Variants in CDKAL1 observed in about 807,000 individuals in gnomAD.
CDKAL1 encodes the protein threonylcarbamoyladenosine tRNA methylthiotransferase.
In CDKAL1, 32 loss-of-function variants were observed where a neutral mutation model predicts 68.2. The observed-to-expected ratio is 0.47, with a 90% CI of 0.35 to 0.63. The LOEUF is 0.63. Among genes scored for constraint, CDKAL1 ranks in the 30% least tolerant of loss-of-function variants. CDKAL1 has a pLI of 0.00. For missense variants in CDKAL1, 606 were observed against 696.7 expected, an observed-to-expected ratio of 0.87 and a Z score of 1.47; for synonymous variants, 234 against 244.3, an observed-to-expected ratio of 0.96 and a Z score of 0.39.
chr6:20,782,686 T>A (rs928612117), intron 8 of CDKAL1, among the ~76,000 whole-genome samples: 8 of 152,226 alleles, frequency 5.3e-5, no homozygotes, highest in African/African-American at 1.9e-4. Flanking sequence ...CTGGCATATA[T>A]GCTCCATGGG....
At chr6:20,813,682 A>G (rs1204175576) in intron 8 of CDKAL1, among the ~76,000 whole-genome samples, 1 of 152,204 alleles carries the variant, frequency 6.6e-6, no homozygotes, top group Admixed American at 6.5e-5. Context: ...GAATTGTTCC[A>G]GCACCATTTG....
intron 13 of CDKAL1, among the ~76,000 whole-genome samples, chr6:21,117,128 G>C (rs1195726194): frequency 6.6e-6 from 1 of 151,762 alleles, no homozygotes; most frequent in East Asian, 1.9e-4. Flanking sequence ...TTTTTTTCCT[G>C]TATCTCCCCA....
intron 8 of CDKAL1, among the ~76,000 whole-genome samples, chr6:20,821,665 T>C (rs1426013311): frequency 6.6e-6 from 1 of 152,096 alleles, no homozygotes; most frequent in Non-Finnish European, 1.5e-5. Flanking sequence ...AGTGTGTGCT[T>C]GGCAGGTATT....
intron 5 of CDKAL1, among the ~76,000 whole-genome samples, chr6:20,697,289 T>A (rs1341059019): frequency 6.6e-6 from 1 of 152,186 alleles, no homozygotes; most frequent in African/African-American, 2.4e-5. Context: ...AGAGCATCAT[T>A]GTTGGAAAAT....
chr6:21,022,810 CA>C (rs1240620404), intron 11 of CDKAL1, among the ~76,000 whole-genome samples: 2 of 152,138 alleles, frequency 1.3e-5, no homozygotes, highest in Non-Finnish European at 2.9e-5. Flanking sequence ...ACTTTCTATT[CA>C]TTTCTAACTT....
At chr6:21,029,830 T>C (rs982201770) in intron 11 of CDKAL1, among the ~76,000 whole-genome samples, 17 of 152,134 alleles carry the variant, frequency 1.1e-4, no homozygotes, top group Middle Eastern at 3.4e-3. Context: ...CAAGAAACAA[T>C]AGATGCTGGC....
At chr6:20,829,362 G>A (rs986634491) in intron 8 of CDKAL1, among the ~76,000 whole-genome samples, 6 of 152,084 alleles carry the variant, frequency 3.9e-5, no homozygotes, top group African/African-American at 7.2e-5. Context: ...AGAATCAGTC[G>A]TTAGATTTCA....
intron 8 of CDKAL1, among the ~76,000 whole-genome samples, chr6:20,842,280 C>G (rs1320183630): frequency 1.3e-5 from 2 of 152,094 alleles, no homozygotes; most frequent in African/African-American, 2.4e-5. Flanking sequence ...TAACAAATCT[C>G]TTCTTTTTAA....
intron 5 of CDKAL1, among the ~76,000 whole-genome samples, chr6:20,717,458 C>G (rs1180566420): frequency 6.6e-6 from 1 of 151,436 alleles, no homozygotes. Context: ...GACAGCTGAT[C>G]TATTGTAACA....
At chr6:21,004,529 A>G (rs1388124006) in intron 11 of CDKAL1, among the ~76,000 whole-genome samples, 1 of 152,260 alleles carries the variant, frequency 6.6e-6, no homozygotes, top group East Asian at 1.9e-4. Context: ...AGATTTATTA[A>G]TCCAATTGAA....
intron 5 of CDKAL1, among the ~76,000 whole-genome samples, chr6:20,715,908 TTTG>T (rs1238411941): frequency 1.3e-5 from 2 of 152,204 alleles, no homozygotes; most frequent in Non-Finnish European, 2.9e-5. Context: ...AATTTACCAT[TTTG>T]TTGTGGGTTT....
chr6:20,952,119 C>T (rs184542085), intron 9 of CDKAL1, among the ~76,000 whole-genome samples: 190 of 151,876 alleles, frequency 1.3e-3, no homozygotes, highest in African/African-American at 4.1e-3. Context: ...CCACCATGCC[C>T]GGCTAATTTT....
intron 9 of CDKAL1, among the ~76,000 whole-genome samples, chr6:20,945,610 T>A (rs967953005): frequency 2.0e-5 from 3 of 152,176 alleles, no homozygotes; most frequent in Non-Finnish European, 2.9e-5. Flanking sequence ...ACTCTGAGTT[T>A]GTGGCAAGTA....
intron 13 of CDKAL1, among the ~76,000 whole-genome samples, chr6:21,196,896 G>A (rs1321371101): frequency 1.3e-5 from 2 of 152,146 alleles, no homozygotes; most frequent in Non-Finnish European, 2.9e-5. Context: ...GGTGGCTCAT[G>A]CCTGAAATCC....
intron 9 of CDKAL1, among the ~76,000 whole-genome samples, chr6:20,907,759 C>T (rs577836204): frequency 6.6e-6 from 1 of 152,214 alleles, no homozygotes; most frequent in Admixed American, 6.5e-5. Flanking sequence ...AGAAGCTGAG[C>T]ACAGCCCACC....
At chr6:20,644,889 T>G (rs1443674021) in intron 4 of CDKAL1, among the ~76,000 whole-genome samples, 1 of 152,188 alleles carries the variant, frequency 6.6e-6, no homozygotes, top group Non-Finnish European at 1.5e-5. Flanking sequence ...GTCAGGCTAT[T>G]TTGTTATCAT....
In CDKAL1 at chr6:20,649,359, A is replaced by G; in HGVS notation, c.353A>G (p.His118Arg). The change falls in exon 5 of 16, where the codon CAC becomes CGC. Residue 118 changes from histidine to arginine, a missense_variant. Coordinates refer to ENST00000274695, the MANE Select transcript of CDKAL1 (RefSeq NM_017774.3). ...SCTVKNPAED[H>R]FRNSIKKAQE... is the part of the protein sequence containing the mutation. ...ACTGTAAAAAACCCAGCTGAAGACC[A>G]CTTTAGAAACTCAATTAAGTAAGTA... 2 of 1,593,424 alleles carry G rather than the reference A, an allele frequency of 1.3e-6. No individual in the cohort carries two copies. Among genetic ancestry groups the G allele is most frequent in the South Asian group, 1.1e-5 (1 of 88,488 alleles).
chr6:21,102,197 G>A (rs1773609517), intron 12 of CDKAL1, among the ~76,000 whole-genome samples: 1 of 152,058 alleles, frequency 6.6e-6, no homozygotes, highest in Non-Finnish European at 1.5e-5. Context: ...GTCTATAAAA[G>A]CATAATCTAT....
At chr6:20,758,744 T>C (rs1188917985) in intron 7 of CDKAL1, 101 bp downstream of exon 7, 3 of 826,644 alleles carry the variant, frequency 3.6e-6, no homozygotes, top group Non-Finnish European at 5.6e-6. Context: ...ATAAAAGTTA[T>C]TGTTTTAGAT....
Sources: allele counts gnomAD v4.1 joint callset (sites outside exome capture counted in the v4.1 genomes callset), GRCh38; gene constraint gnomAD v4.1.1; transcripts MANE v1.5; gene names NCBI Gene and HGNC (gene_info 2026-07-23, HGNC 2026-07-21).